SOX5: variants seen among roughly 807,000 people sequenced by gnomAD.
SOX5 encodes transcription factor SOX-5.
A neutral mutation model predicts 92.0 loss-of-function variants in SOX5; 9 were observed. That is an observed-to-expected ratio of 0.10 (90% CI 0.06 to 0.17). The LOEUF is 0.17. Ranked by LOEUF, SOX5 falls within the 10% of genes least tolerant of loss-of-function variation. The probability of loss-of-function intolerance (pLI) is 1.00; values close to 1 mark genes in which losing one functional copy is unlikely to be tolerated. For missense variants in SOX5, 642 were observed against 944.5 expected, an observed-to-expected ratio of 0.68 and a Z score of 4.20; for synonymous variants, 344 against 336.3, an observed-to-expected ratio of 1.02 and a Z score of -0.25.
intron 3 of SOX5, among the ~76,000 whole-genome samples, chr12:23,803,233 C>A (rs2095696688): frequency 6.6e-6 from 1 of 152,142 alleles, no homozygotes; most frequent in Admixed American, 6.5e-5. Context: ...CTTATTTAAG[C>A]ATCTCAGTAT....
At chr12:23,740,608 C>G (rs1291240393) in intron 5 of SOX5, among the ~76,000 whole-genome samples, 2 of 152,088 alleles carry the variant, frequency 1.3e-5, no homozygotes, top group South Asian at 2.1e-4. Context: ...TGGTATTTTT[C>G]TCATGATTTA....
chr12:23,737,631 C>T (rs1490877459), intron 5 of SOX5, among the ~76,000 whole-genome samples: 1 of 152,116 alleles, frequency 6.6e-6, no homozygotes, highest in East Asian at 1.9e-4. Flanking sequence ...ACATATAATG[C>T]CTGCAAGGCC....
chr12:23,704,059 A>G (rs1370851129), intron 6 of SOX5, among the ~76,000 whole-genome samples: 1 of 151,990 alleles, frequency 6.6e-6, no homozygotes, highest in Non-Finnish European at 1.5e-5. Context: ...TAACAGCAGT[A>G]GACAGAACTA....
At chr12:23,826,429 T>G (rs547937038) in intron 3 of SOX5, among the ~76,000 whole-genome samples, 1 of 152,116 alleles carries the variant, frequency 6.6e-6, no homozygotes, top group African/African-American at 2.4e-5. Flanking sequence ...ATGGCTATAG[T>G]TCTCCTTCAA....
chr12:23,729,603 T>C (rs1462817658), intron 6 of SOX5, among the ~76,000 whole-genome samples: 1 of 152,092 alleles, frequency 6.6e-6, no homozygotes, highest in Non-Finnish European at 1.5e-5. Flanking sequence ...TGACAGGAGA[T>C]TATTAAATAC....
intron 4 of SOX5, among the ~76,000 whole-genome samples, chr12:23,961,704 T>C (rs1591827520): frequency 6.6e-6 from 1 of 152,330 alleles, no homozygotes; most frequent in East Asian, 1.9e-4. Flanking sequence ...TAAATGCTTC[T>C]TTTTCATTAT....
intron 1 of SOX5, among the ~76,000 whole-genome samples, chr12:24,412,551 A>G (rs1204524834): frequency 6.6e-6 from 1 of 151,992 alleles, no homozygotes; most frequent in Non-Finnish European, 1.5e-5. Context: ...ATTATTTACA[A>G]TGTATATTTC....
At chr12:23,562,009 T>C (rs1186980907) in intron 11 of SOX5, among the ~76,000 whole-genome samples, 1 of 152,194 alleles carries the variant, frequency 6.6e-6, no homozygotes, top group African/African-American at 2.4e-5. Context: ...GAATTTCTGT[T>C]CAAGCATCCT....
At chr12:23,652,368 T>C (rs2081691531) in intron 7 of SOX5, among the ~76,000 whole-genome samples, 1 of 152,064 alleles carries the variant, frequency 6.6e-6, no homozygotes. Context: ...TCCTTAAATA[T>C]TGGTATTCCT....
chr12:24,507,243 C>A (rs1035255412), intron 1 of SOX5, among the ~76,000 whole-genome samples: 1 of 151,878 alleles, frequency 6.6e-6, no homozygotes, highest in Non-Finnish European at 1.5e-5. Context: ...AGGCTGTCAC[C>A]ACTTGAACCC....
At chr12:24,180,501 C>T (rs1593999479) in intron 4 of SOX5, among the ~76,000 whole-genome samples, 1 of 152,176 alleles carries the variant, frequency 6.6e-6, no homozygotes, top group African/African-American at 2.4e-5. Flanking sequence ...CTTGTTGTGG[C>T]TGTACAGACC....
chr12:24,476,969 C>G (rs1042889520), intron 1 of SOX5, among the ~76,000 whole-genome samples: 6 of 142,550 alleles, frequency 4.2e-5, no homozygotes, highest in African/African-American at 1.6e-4. Context: ...TCAAGACCAG[C>G]CCAGGCAACA....
chr12:23,600,407 G>A (rs952971611), intron 9 of SOX5, among the ~76,000 whole-genome samples: 12 of 151,146 alleles, frequency 7.9e-5, no homozygotes, highest in South Asian at 2.1e-4. Context: ...AGAGACAAGC[G>A]TATGAGTATT....
intron 3 of SOX5, among the ~76,000 whole-genome samples, chr12:24,264,539 G>A (rs1942732049): frequency 6.6e-6 from 1 of 152,210 alleles, no homozygotes; most frequent in Non-Finnish European, 1.5e-5. Context: ...GAGTCAAATA[G>A]GTGAGTTCAT....
chr12:24,191,924 A>T (rs11047305), intron 4 of SOX5, among the ~76,000 whole-genome samples: 3,927 of 152,282 alleles, frequency 0.026, 61 homozygotes, highest in Non-Finnish European at 0.037. Flanking sequence ...ATCAGGTTTA[A>T]TCTCAAACCA....
At chr12:23,698,593 T>C (rs931580718) in intron 6 of SOX5, among the ~76,000 whole-genome samples, 5 of 152,224 alleles carry the variant, frequency 3.3e-5, no homozygotes, top group Admixed American at 3.3e-4. Flanking sequence ...AATAGCTGTT[T>C]CAACATCTTT....
chr12:24,375,527 G>A (rs1300821863), intron 1 of SOX5, among the ~76,000 whole-genome samples: 1 of 151,710 alleles, frequency 6.6e-6, no homozygotes, highest in Non-Finnish European at 1.5e-5. Context: ...CTGAGGTCAG[G>A]AGTTCGAGAC....
chr12:23,938,209 G>C (rs1417809203), intron 1 of SOX5, among the ~76,000 whole-genome samples: 1 of 150,972 alleles, frequency 6.6e-6, no homozygotes, highest in Non-Finnish European at 1.5e-5. Flanking sequence ...GATTATATCA[G>C]TGAAAACAAT....
At chr12:24,277,768 C>T (rs1157623428) in intron 2 of SOX5, among the ~76,000 whole-genome samples, 2 of 151,848 alleles carry the variant, frequency 1.3e-5, no homozygotes, top group East Asian at 1.9e-4. Context: ...TCTTGCTGCT[C>T]GAAATGATTC....
Sources: allele counts gnomAD v4.1 joint callset (sites outside exome capture counted in the v4.1 genomes callset), GRCh38; gene constraint gnomAD v4.1.1; transcripts MANE v1.5; gene names NCBI Gene and HGNC (gene_info 2026-07-23, HGNC 2026-07-21).